Variants in TRIP4 observed in about 807,000 individuals in gnomAD.
TRIP4 encodes the protein activating signal cointegrator 1.
A neutral mutation model predicts 81.8 loss-of-function variants in TRIP4; 54 were observed. That is an observed-to-expected ratio of 0.66 (90% confidence interval 0.53 to 0.83). The LOEUF is 0.83. Among genes scored for constraint, TRIP4 ranks in the 40% least tolerant of loss-of-function variants. TRIP4 has a pLI of 0.00. For synonymous variants in TRIP4, 270 were observed against 242.8 expected, an observed-to-expected ratio of 1.11 and a Z score of -1.04; for missense variants, 662 against 683.6, an observed-to-expected ratio of 0.97 and a Z score of 0.35.
chr15:64,392,352 T>C (rs1323304558), intron 1 of TRIP4, among the ~76,000 whole-genome samples: 1 of 152,128 alleles, frequency 6.6e-6, no homozygotes, highest in Non-Finnish European at 1.5e-5. Context: ...CCTTACAGTT[T>C]TGCAAGTCTT....
intron 12 of TRIP4, among the ~76,000 whole-genome samples, chr15:64,452,923 G>A (rs1015956516): frequency 3.3e-5 from 5 of 152,158 alleles, no homozygotes; most frequent in African/African-American, 1.2e-4. Flanking sequence ...GCTCACGCCT[G>A]TAATCCCAGC....
chr15:64,427,600 T>C lies in TRIP4; in HGVS notation c.1575+1969T>C, dbSNP rs1247090390. ...CATGTTGGCGAAGCTGGTCTTGAAC[T>C]CCTGGCCTCAAGTGATCCACCTGCC... On this transcript the variant is annotated intron_variant, in intron 11 of 12. Transcript: ENST00000261884. 5.3e-5 allele frequency among the ~76,000 whole-genome samples: 8 copies of C among 152,184 alleles called. No individual in the cohort carries two copies. The East Asian group carries it at 1.5e-3, about 29-fold the overall frequency.
intron 11 of TRIP4, among the ~76,000 whole-genome samples, chr15:64,440,202 C>T (rs1050434414): frequency 6.6e-6 from 1 of 151,798 alleles, no homozygotes; most frequent in African/African-American, 2.4e-5. Context: ...CACTGCACTC[C>T]GGCCTGGGTC....
At chr15:64,454,621 A>G (rs1291384332) in intron 12 of TRIP4, among the ~76,000 whole-genome samples, 1 of 152,152 alleles carries the variant, frequency 6.6e-6, no homozygotes, top group Non-Finnish European at 1.5e-5. Flanking sequence ...CAGCCAGTTA[A>G]CAGGTCACAG....
At chr15:64,444,175 C>G (rs57400052) in intron 11 of TRIP4, among the ~76,000 whole-genome samples, 4,941 of 152,226 alleles carry the variant, frequency 0.032, 130 homozygotes, top group African/African-American at 0.07. Context: ...AAAGTCTTCT[C>G]TGGTAATGAA....
At chr15:64,431,717 A>C (rs202140279) in intron 11 of TRIP4, among the ~76,000 whole-genome samples, 29 of 151,428 alleles carry the variant, frequency 1.9e-4, no homozygotes, top group South Asian at 1.5e-3. Context: ...AATTAAAAAA[A>C]AAAACAAAAC....
At chr15:64,392,399 T>C (rs537730202) in intron 1 of TRIP4, among the ~76,000 whole-genome samples, 1 of 152,294 alleles carries the variant, frequency 6.6e-6, no homozygotes, top group East Asian at 1.9e-4. Flanking sequence ...ACTGGTAAGT[T>C]TGGGGATCAA....
chr15:64,409,388 A>G (rs1197079101), intron 6 of TRIP4, among the ~76,000 whole-genome samples: 1 of 152,158 alleles, frequency 6.6e-6, no homozygotes. Flanking sequence ...AGGCTGGACT[A>G]ATATGAAAGG....
At chr15:64,419,961 G>A (rs915204947) in intron 9 of TRIP4, among the ~76,000 whole-genome samples, 2 of 149,330 alleles carry the variant, frequency 1.3e-5, no homozygotes, top group Non-Finnish European at 3.0e-5. Context: ...GATCACAGGC[G>A]CCCGCCACCA....
chr15:64,433,444 T>C (rs2140306195), intron 11 of TRIP4, among the ~76,000 whole-genome samples: 1 of 151,618 alleles, frequency 6.6e-6, no homozygotes, highest in South Asian at 2.1e-4. Context: ...CTACTAAAAA[T>C]ACAAAAAAAA....
In TRIP4 at chr15:64,409,694, G is replaced by A; in HGVS notation, c.909G>A (p.Arg303=). Residue 303 remains arginine (R), a synonymous_variant, in exon 7 of 13, where the codon CGG becomes CGA. Coordinates refer to ENST00000261884, the MANE Select transcript of TRIP4 (RefSeq NM_016213.5). ...DSNQWLSKLE[R]ETLQKREEEL... ...ACCAATGGTTGTCCAAACTTGAGCG[G>A]GAAACCTTGCAGAAGCGAGAGGAGG... is the stretch of plus-strand genomic sequence containing the variant. 6.2e-7 allele frequency: 1 copy of A among 1,614,136 alleles called. No individual in the cohort carries two copies. The highest frequency in any genetic ancestry group is 2.2e-5 in the East Asian group (1 of 44,878).
intron 7 of TRIP4, 26 bp downstream of exon 7, chr15:64,409,854 C>G: frequency 6.3e-7 from 1 of 1,595,928 alleles, no homozygotes; most frequent in East Asian, 2.2e-5. Flanking sequence ...TAGAAAGGGT[C>G]TCAAAGAAGG....
At chr15:64,454,937 C>G in intron 12 of TRIP4, 60 bp from the exon 13 acceptor site, 1 of 1,534,370 alleles carries the variant, frequency 6.5e-7, no homozygotes, top group Non-Finnish European at 9.0e-7. Context: ...TGGGAGGCTG[C>G]AAAAGATTTG....
chr15:64,405,691 T>C (rs1316736386), intron 5 of TRIP4, among the ~76,000 whole-genome samples: 1 of 152,200 alleles, frequency 6.6e-6, no homozygotes, highest in African/African-American at 2.4e-5. Flanking sequence ...GTGTTTAGTT[T>C]TGATAATATA....
In TRIP4 at chr15:64,455,011, A is replaced by C; in HGVS notation, c.1693A>C (p.Lys565Gln). ...CTCCCTTACAGGGAAATTGGATTCC[A>C]AGATCCATCAAGGAGCAAAGAAGGG... Reference protein sequence around the residue: ...GNPKIWKLDSKIHQGAKKGLM... With the variant: ...GNPKIWKLDSQIHQGAKKGLM... Residue 565 changes from lysine to glutamine, a missense_variant, in exon 13 of 13, where the codon AAG (lysine) becomes CAG (glutamine). Coordinates refer to ENST00000261884, the MANE Select transcript of TRIP4 (RefSeq NM_016213.5). 1 of 1,614,046 alleles carries C rather than the reference A, an allele frequency of 6.2e-7. No homozygotes were observed. Among genetic ancestry groups the C allele is most frequent in the Non-Finnish European group, 8.5e-7 (1 of 1,179,946 alleles).
At chr15:64,439,543 G>A (rs1892471719) in intron 11 of TRIP4, among the ~76,000 whole-genome samples, 1 of 49,196 alleles carries the variant, frequency 2.0e-5, no homozygotes, top group African/African-American at 8.5e-5. Flanking sequence ...TTTTTTTTGA[G>A]ATGGAGTTTC....
intron 11 of TRIP4, among the ~76,000 whole-genome samples, chr15:64,432,894 G>C (rs1892308656): frequency 6.6e-6 from 1 of 151,644 alleles, no homozygotes; most frequent in South Asian, 2.1e-4. Flanking sequence ...CTGGGCAACA[G>C]AGCAAGACTC....
chr15:64,389,031 T>G (rs189607640), intron 1 of TRIP4, among the ~76,000 whole-genome samples: 1,978 of 151,522 alleles, frequency 0.013, 32 homozygotes, highest in African/African-American at 0.046. Context: ...AGGGGCTTGT[T>G]GGAGCACAAA....
rs530200970 is a variant in TRIP4, at chr15:64,445,047, C to T, written c.1617C>T (p.Phe539=). ...ISQESDSPFV[F]ICKNPQEMVV... Reference sequence around the variant, plus strand: ...AAGAGTCTGATTCTCCATTTGTTTTCATCTGCAAAAATCCTCAGGAAATGG... The same window carrying T: ...AAGAGTCTGATTCTCCATTTGTTTTTATCTGCAAAAATCCTCAGGAAATGG... The change falls in exon 12 of 13, where the codon TTC becomes TTT. Residue 539 remains phenylalanine, a synonymous_variant. Coordinates refer to ENST00000261884, the MANE Select transcript of TRIP4 (RefSeq NM_016213.5). 1.2e-6 allele frequency: 2 copies of T among 1,604,036 alleles called. No individual in the cohort carries two copies. Among genetic ancestry groups the T allele is most frequent in the Non-Finnish European group, 1.7e-6 (2 of 1,173,248 alleles).
Sources: allele counts gnomAD v4.1 joint callset (sites outside exome capture counted in the v4.1 genomes callset), GRCh38; gene constraint gnomAD v4.1.1; transcripts MANE v1.5; gene names NCBI Gene and HGNC (gene_info 2026-07-23, HGNC 2026-07-21).